The following CACNA2D3 variants were observed in gnomAD, a reference collection of about 807,000 sequenced individuals.
CACNA2D3 encodes the protein voltage-dependent calcium channel subunit alpha-2/delta-3.
A neutral mutation model predicts 160.6 loss-of-function variants in CACNA2D3; 60 were observed. The ratio of observed to expected loss-of-function variants is 0.37; its 90% CI spans 0.30 to 0.46. The LOEUF (loss-of-function observed/expected upper bound fraction) is 0.46, where lower values mean the gene tolerates loss of function less well. Ranked by LOEUF, CACNA2D3 falls within the 20% of genes least tolerant of loss-of-function variation. The pLI is 1.00. For missense variants in CACNA2D3, 1,205 were observed against 1,365.0 expected, an observed-to-expected ratio of 0.88 and a Z score of 1.85; for synonymous variants, 558 against 492.9, an observed-to-expected ratio of 1.13 and a Z score of -1.75.
At chr3:55,011,129 T>C (rs1282095679) in intron 34 of CACNA2D3, among the ~76,000 whole-genome samples, 1 of 152,250 alleles carries the variant, frequency 6.6e-6, no homozygotes, top group Non-Finnish European at 1.5e-5. Flanking sequence ...CAGAATCTGC[T>C]GAGTTCTGCC....
intron 11 of CACNA2D3, among the ~76,000 whole-genome samples, chr3:54,696,841 T>A (rs1448139650): frequency 6.6e-6 from 1 of 152,242 alleles, no homozygotes; most frequent in Non-Finnish European, 1.5e-5. Flanking sequence ...CTTCCCATTG[T>A]CTCTTGACTC....
chr3:54,167,909 T>G, intron 2 of CACNA2D3, among the ~76,000 whole-genome samples: 1 of 152,240 alleles, frequency 6.6e-6, no homozygotes, highest in East Asian at 1.9e-4. Flanking sequence ...GCGCAGTATT[T>G]ACAGATTCTT....
At chr3:54,938,402 C>G (rs1350790382) in intron 27 of CACNA2D3, among the ~76,000 whole-genome samples, 1 of 152,216 alleles carries the variant, frequency 6.6e-6, no homozygotes, top group Non-Finnish European at 1.5e-5. Context: ...AGAATCCTTT[C>G]TAGTCCAGTG....
intron 4 of CACNA2D3, among the ~76,000 whole-genome samples, chr3:54,489,139 G>A (rs1368565684): frequency 6.6e-6 from 1 of 152,234 alleles, no homozygotes; most frequent in Non-Finnish European, 1.5e-5. Context: ...AGAGTGAGCA[G>A]GGCCTCATCA....
chr3:54,748,635 A>G (rs1701801661), intron 11 of CACNA2D3, among the ~76,000 whole-genome samples: 1 of 151,992 alleles, frequency 6.6e-6, no homozygotes, highest in South Asian at 2.1e-4. Context: ...ATGCCTGCAG[A>G]TGATGAGCAT....
At chr3:55,064,119 G>A (rs1001915072) in intron 35 of CACNA2D3, among the ~76,000 whole-genome samples, 1 of 152,164 alleles carries the variant, frequency 6.6e-6, no homozygotes, top group Non-Finnish European at 1.5e-5. Context: ...CTCAGCAGCC[G>A]CAGGGCTTCT....
intron 11 of CACNA2D3, among the ~76,000 whole-genome samples, chr3:54,691,143 G>C (rs984812762): frequency 5.3e-5 from 8 of 152,118 alleles, no homozygotes; most frequent in Admixed American, 3.9e-4. Flanking sequence ...TTCCCAACCC[G>C]CCAGAGCCTT....
At chr3:54,793,370 G>C (rs918185665) in intron 13 of CACNA2D3, among the ~76,000 whole-genome samples, 5 of 152,184 alleles carry the variant, frequency 3.3e-5, no homozygotes, top group African/African-American at 9.7e-5. Flanking sequence ...TTAAGCTCTT[G>C]TTTCAACCAA....
At chr3:54,724,976 G>C (rs1701249008) in intron 11 of CACNA2D3, among the ~76,000 whole-genome samples, 1 of 152,210 alleles carries the variant, frequency 6.6e-6, no homozygotes, top group African/African-American at 2.4e-5. Flanking sequence ...GTGAATCCAG[G>C]AACTGGTTTT....
intron 11 of CACNA2D3, among the ~76,000 whole-genome samples, chr3:54,687,307 A>ATTT (rs35541501): frequency 2.3e-5 from 3 of 128,006 alleles, no homozygotes; most frequent in African/African-American, 6.0e-5. Context: ...AGCCTGGCTA[A>ATTT]TTTTTTTTTT....
chr3:54,199,151 T>C (rs1242410621), intron 2 of CACNA2D3, among the ~76,000 whole-genome samples: 2 of 152,218 alleles, frequency 1.3e-5, no homozygotes, highest in African/African-American at 2.4e-5. Context: ...TTTTATTACA[T>C]CTTTAAACAT....
rs1702111530 is a variant in CACNA2D3 at position 54,763,099 on chromosome 3, A to G, written c.1247-1119A>G. Among the ~76,000 whole-genome samples, 2 of 138,852 alleles carry G rather than the reference A, an allele frequency of 1.4e-5. 1 individual carries two copies. The allele number at this position is 138,852 out of a possible 152,430, so 91.1% of individuals were successfully genotyped here. On this transcript the variant is annotated intron_variant, in intron 12 of 37. Coordinates refer to ENST00000474759, the MANE Select transcript of CACNA2D3 (RefSeq NM_018398.3). ...TGAGACTCCATCTCAAAAAAAAAAA[A>G]AAAGAAAGAAAAAGAAATCATGTCT...
intron 6 of CACNA2D3, among the ~76,000 whole-genome samples, chr3:54,565,730 C>T (rs2106712255): frequency 6.6e-6 from 1 of 152,296 alleles, no homozygotes; most frequent in African/African-American, 2.4e-5. Context: ...TAGGAAGAGA[C>T]TTCTGTAGTC....
At chr3:54,469,489 G>T (rs1700689847) in intron 4 of CACNA2D3, among the ~76,000 whole-genome samples, 1 of 152,110 alleles carries the variant, frequency 6.6e-6, no homozygotes, top group Admixed American at 6.6e-5. Flanking sequence ...GTGCAAAAAG[G>T]CTGAAAATTC....
At chr3:54,866,332 C>G (rs1041566560) in intron 17 of CACNA2D3, among the ~76,000 whole-genome samples, 3 of 152,114 alleles carry the variant, frequency 2.0e-5, no homozygotes, top group African/African-American at 7.2e-5. Flanking sequence ...CTGAAATGGT[C>G]CCTTGAGCCT....
chr3:54,400,600 G>T (rs533799504), intron 4 of CACNA2D3, among the ~76,000 whole-genome samples: 3 of 152,268 alleles, frequency 2.0e-5, no homozygotes, highest in South Asian at 4.1e-4. Flanking sequence ...AACTCCTACA[G>T]CCTAGTCTAC....
intron 8 of CACNA2D3, among the ~76,000 whole-genome samples, chr3:54,574,717 A>C (rs184899916): frequency 2.6e-5 from 4 of 152,348 alleles, no homozygotes. Context: ...CATAAAAATG[A>C]GGGTGCTAAT....
chr3:54,269,388 C>T (rs369595431), intron 2 of CACNA2D3, among the ~76,000 whole-genome samples: 2 of 152,082 alleles, frequency 1.3e-5, no homozygotes, highest in African/African-American at 2.4e-5. Flanking sequence ...TTTCTCCCAT[C>T]CCTTTGTTGC....
intron 2 of CACNA2D3, among the ~76,000 whole-genome samples, chr3:54,233,882 C>T (rs1005927892): frequency 5.9e-5 from 9 of 152,004 alleles, no homozygotes; most frequent in African/African-American, 1.9e-4. Flanking sequence ...TATTGGTCAA[C>T]AATAACACCA....
Sources: allele counts gnomAD v4.1 joint callset (sites outside exome capture counted in the v4.1 genomes callset), GRCh38; gene constraint gnomAD v4.1.1; transcripts MANE v1.5; gene names NCBI Gene and HGNC (gene_info 2026-07-23, HGNC 2026-07-21).